The following NEDD4L variants were observed in gnomAD, a reference collection of about 807,000 sequenced individuals.
The protein encoded by NEDD4L is E3 ubiquitin-protein ligase NEDD4-like.
Under a neutral mutation model 148.9 loss-of-function variants are expected in NEDD4L, and 54 were observed. The observed-to-expected ratio is 0.36, with a 90% CI of 0.29 to 0.45. The LOEUF is 0.45. Ranked by LOEUF, NEDD4L falls within the 20% of genes least tolerant of loss-of-function variation. NEDD4L has a pLI of 1.00. For synonymous variants in NEDD4L, 433 were observed against 440.7 expected (o/e 0.98, Z 0.22); for missense variants, 856 against 1,233.8 (o/e 0.69, Z 4.59).
At position 58,265,079 on chromosome 18, in the gene NEDD4L, C is replaced by T. The variant is rs916248210; in HGVS notation, c.297+13025C>T. 4.0e-5 allele frequency among the ~76,000 whole-genome samples: 6 copies of T among 151,796 alleles called. No homozygotes were observed. In the East Asian group the frequency reaches 1.2e-3, roughly 29 times the overall value. ...GGGTGACAGATTGCTTATGCACAGG[C>T]TGGGAGGGACAGGAACTGTGTCATG... On this transcript the variant is annotated intron_variant, in intron 5 of 30. Transcript: ENST00000400345.
At position 58,366,330 on chromosome 18, in the gene NEDD4L, ACT is replaced by A. The variant is rs2046100880; in HGVS notation, c.2063+105_2063+106del. 6.2e-6 allele frequency: 5 copies of A among 807,976 alleles called. No homozygotes were observed. Among genetic ancestry groups the A allele is most frequent in the Admixed American group, 5.9e-5 (2 of 34,010 alleles). 50.1% of individuals were successfully genotyped at this position (807,976 alleles called of 1,614,324 possible). ...CAGCTCATGAGTTCGAGATGCATTA[ACT>A]CTGCTGAGTTTGTTCTCTCCTCACC... On this transcript the variant is annotated intron_variant, in intron 21 of 30. Transcript: ENST00000400345. This position sits in a 1 kb window ranked among gnomAD's most constrained non-coding sequence, Gnocchi z 4.2.
rs1853446228 is a variant in NEDD4L, at chr18:58,341,721, A to G, written c.1301A>G (p.Asn434Ser). ...GASGSATNSN[N>S]HLIEPQIRRP... ...TCCGGATCAGCCACAAACAGTAACA[A>G]CCATCTAATCGAGCCTCAGATCCGC... Residue 434 changes from asparagine to serine, a missense_variant, in exon 15 of 31, where the codon AAC becomes AGC. Coordinates refer to ENST00000400345, the MANE Select transcript of NEDD4L (RefSeq NM_001144967.3). The G allele has an allele frequency of 1.2e-6, 2 of 1,613,680 alleles. No homozygotes were observed. Among genetic ancestry groups the G allele is most frequent in the Admixed American group, 1.7e-5 (1 of 59,986 alleles).
intron 2 of NEDD4L, among the ~76,000 whole-genome samples, chr18:58,219,798 A>G (rs1446607304): frequency 1.3e-5 from 2 of 152,230 alleles, no homozygotes; most frequent in East Asian, 1.9e-4. Context: ...GGCAAATACA[A>G]TTAAGCCCAT....
intron 2 of NEDD4L, among the ~76,000 whole-genome samples, chr18:58,189,455 G>T (rs1169628898): frequency 1.3e-5 from 2 of 152,262 alleles, no homozygotes; most frequent in East Asian, 3.9e-4. Flanking sequence ...ATTTTCCTTG[G>T]GCGTATTTAA....
chr18:58,294,414 A>T (rs114571579), intron 5 of NEDD4L, among the ~76,000 whole-genome samples: 90 of 152,296 alleles, frequency 5.9e-4, no homozygotes, highest in African/African-American at 1.5e-3. Flanking sequence ...TCAGTATTTT[A>T]TTCTTTAACC....
intron 13 of NEDD4L, among the ~76,000 whole-genome samples, chr18:58,338,519 C>A (rs1014574841): frequency 6.6e-6 from 1 of 152,210 alleles, no homozygotes; most frequent in Non-Finnish European, 1.5e-5. Context: ...CAGTTCAGTT[C>A]TCAATAGAAG....
chr18:58,246,980 A>C (rs1398752288), intron 3 of NEDD4L, among the ~76,000 whole-genome samples: 1 of 152,160 alleles, frequency 6.6e-6, no homozygotes, highest in East Asian at 1.9e-4. Context: ...TTGAGGTTGC[A>C]GTGAGCCATA....
At chr18:58,137,065 A>T (rs1339011088) in intron 1 of NEDD4L, among the ~76,000 whole-genome samples, 1 of 152,224 alleles carries the variant, frequency 6.6e-6, no homozygotes, top group African/African-American at 2.4e-5. Context: ...AGTCTGGCAA[A>T]AGCAGTCATT....
chr18:58,071,823 C>T (rs958062786), intron 1 of NEDD4L, among the ~76,000 whole-genome samples: 3 of 152,104 alleles, frequency 2.0e-5, no homozygotes, highest in Non-Finnish European at 4.4e-5. Context: ...GGAGTTGTGC[C>T]GGGGAACTCC....
intron 13 of NEDD4L, among the ~76,000 whole-genome samples, chr18:58,336,433 C>T (rs547572552): frequency 5.9e-5 from 9 of 152,066 alleles, no homozygotes; most frequent in East Asian, 3.9e-4. Flanking sequence ...AAAAATTAGC[C>T]GGGCGTGGTG....
chr18:58,115,752 T>C (rs928435634), intron 1 of NEDD4L, among the ~76,000 whole-genome samples: 3 of 152,306 alleles, frequency 2.0e-5, no homozygotes, highest in Admixed American at 1.3e-4. Flanking sequence ...GAGCAAAACG[T>C]TGACAGAGGG....
intron 5 of NEDD4L, among the ~76,000 whole-genome samples, chr18:58,285,197 C>T (rs760760953): frequency 3.9e-5 from 6 of 152,100 alleles, no homozygotes; most frequent in South Asian, 4.2e-4. Context: ...TGTGTGTGTG[C>T]GCAGAACCCA....
chr18:58,120,648 C>T (rs1403763850), intron 1 of NEDD4L, among the ~76,000 whole-genome samples: 2 of 152,126 alleles, frequency 1.3e-5, no homozygotes. Context: ...GGCGTGGTGG[C>T]GGGAGCCTGT....
At chr18:58,242,562 AC>A (rs2046769217) in intron 2 of NEDD4L, among the ~76,000 whole-genome samples, 1 of 151,612 alleles carries the variant, frequency 6.6e-6, no homozygotes, top group African/African-American at 2.4e-5. Context: ...GTGCAGTGGC[AC>A]AATCTCGGTT....
chr18:58,221,719 T>C (rs1013511429), intron 2 of NEDD4L: 30 of 985,282 alleles, frequency 3.0e-5, no homozygotes, highest in South Asian at 9.4e-5. Context: ...CTGAACACTT[T>C]CCAGCCTTGT....
intron 19 of NEDD4L, chr18:58,359,988 T>C (rs143235901): frequency 2.0e-5 from 3 of 152,342 alleles, no homozygotes; most frequent in African/African-American, 7.2e-5. Flanking sequence ...AAATCTTGGT[T>C]AAATTATTTT....
At chr18:58,234,031 C>G (rs2148191252) in intron 2 of NEDD4L, among the ~76,000 whole-genome samples, 1 of 148,746 alleles carries the variant, frequency 6.7e-6, no homozygotes, top group South Asian at 2.2e-4. Flanking sequence ...AACCTAATGA[C>G]CTCATTTCTT....
At position 58,260,776 on chromosome 18, in the gene NEDD4L, G is replaced by T. The variant is rs116399189; in HGVS notation, c.297+8722G>T. On this transcript the variant is annotated intron_variant, in intron 5 of 30. Transcript: ENST00000400345. ...CAGTTTTTTTGAAAAGTTTAGAGGT[G>T]GTAACTTCATTTGGTGTCTTGCAGC... Among the ~76,000 whole-genome samples, 341 of 152,258 alleles carry T rather than the reference G, an allele frequency of 2.2e-3. 2 individuals are homozygous for T. Among genetic ancestry groups the T allele is most frequent in the African/African-American group, 7.8e-3 (326 of 41,546 alleles).
At position 58,256,564 on chromosome 18, in the gene NEDD4L, T is replaced by C. The variant is rs1436751132; in HGVS notation, c.297+4510T>C. ...ATCGGGGAGCCCTGGAGGCATCGCC[T>C]CGAGCTGGCAGGATGGCTCCTGAAA... is the stretch of plus-strand genomic sequence containing the variant. On this transcript the variant is annotated intron_variant, in intron 5 of 30. Coordinates refer to ENST00000400345, the MANE Select transcript of NEDD4L (RefSeq NM_001144967.3). The surrounding 1 kb of genome is among the most constrained non-coding windows in gnomAD (Gnocchi z 5.2). 9 of 1,232,300 alleles carry C rather than the reference T, an allele frequency of 7.3e-6. No individual in the cohort carries two copies. In the East Asian group the frequency reaches 2.8e-4, roughly 39 times the overall value. 76.3% of individuals were successfully genotyped at this position (1,232,300 alleles called of 1,614,324 possible).
Sources: gnomAD v4.1 joint callset for allele counts (sites outside exome capture counted in the v4.1 genomes callset) on GRCh38, gnomAD v4.1.1 for gene constraint, Gnocchi (gnomAD v3.1) non-coding constraint, MANE v1.5 for transcripts, NCBI Gene and HGNC (gene_info 2026-07-23, HGNC 2026-07-21) for gene names.